RASGRP3: variants seen among roughly 807,000 people sequenced by gnomAD.
RASGRP3 encodes RAS guanyl releasing protein 3.
RASGRP3 carries 54 observed loss-of-function variants against 82.7 expected under a neutral mutation model. The ratio of observed to expected loss-of-function variants is 0.65; its 90% CI spans 0.52 to 0.82. The LOEUF is 0.82. RASGRP3 is among the 40% of genes least tolerant of loss of function. RASGRP3 has a pLI of 0.00. For missense variants in RASGRP3, 861 were observed against 828.9 expected (o/e 1.04, Z -0.48); for synonymous variants, 309 against 300.5 (o/e 1.03, Z -0.29).
At chr2:33,556,768 C>G (rs17013330) in intron 15 of RASGRP3, among the ~76,000 whole-genome samples, 3 of 151,934 alleles carry the variant, frequency 2.0e-5, no homozygotes, top group Admixed American at 6.6e-5. Context: ...ATTAGTGCTT[C>G]TCTATCACTT....
Position 33,519,094 on chromosome 2 carries a change from A to G in RASGRP3, c.174-858A>G, listed in dbSNP as rs113015240. 4.6e-3 allele frequency among the ~76,000 whole-genome samples: 700 copies of G among 152,314 alleles called. 8 individuals are homozygous for G. Among genetic ancestry groups the G allele is most frequent in the African/African-American group, 0.016 (670 of 41,566 alleles). On this transcript the variant is annotated intron_variant, in intron 4 of 17. Coordinates refer to ENST00000403687, the MANE Select transcript of RASGRP3 (RefSeq NM_001139488.2). ...TGCACACTAGACTTTTATATGACTC[A>G]CACAACAGCAGGTTTGTTTACACCA...
In RASGRP3 at chr2:33,549,666, A is replaced by T; in HGVS notation, c.1457A>T (p.His486Leu). 6.2e-7 allele frequency: 1 copy of T among 1,613,478 alleles called. No homozygotes were observed. The highest frequency in any genetic ancestry group is 2.2e-5 in the East Asian group (1 of 44,878). Residue 486 changes from histidine (H) to leucine (L), a missense_variant, in exon 14 of 18, where the codon CAC (histidine) becomes CTC (leucine). His to Leu is a moderately conservative substitution (Grantham distance 99). Coordinates refer to ENST00000403687, the MANE Select transcript of RASGRP3 (RefSeq NM_001139488.2). ...TTCCTGAGAGCTAAATCCCAACTAC[A>T]CTGTAAAATGGGACCAGGATTTATC... is the stretch of plus-strand genomic sequence containing the variant. ...AYFLRAKSQLHCKMGPGFIHN... is the reference protein window; with the variant it reads ...AYFLRAKSQLLCKMGPGFIHN...
At chr2:33,452,541 T>A (rs1403533851) in intron 2 of RASGRP3, among the ~76,000 whole-genome samples, 1 of 152,054 alleles carries the variant, frequency 6.6e-6, no homozygotes, top group Non-Finnish European at 1.5e-5. Context: ...TGGGAGTGAA[T>A]CTGGACCCTG....
At chr2:33,505,076 G>C (rs1670232111) in intron 1 of RASGRP3, among the ~76,000 whole-genome samples, 1 of 152,002 alleles carries the variant, frequency 6.6e-6, no homozygotes, top group South Asian at 2.1e-4. Flanking sequence ...TATCAACACT[G>C]TGACCAACAT....
At chr2:33,526,820 C>T (rs751354836) in intron 9 of RASGRP3, among the ~76,000 whole-genome samples, 3 of 152,156 alleles carry the variant, frequency 2.0e-5, no homozygotes, top group African/African-American at 4.8e-5. Flanking sequence ...CTTGAATTTG[C>T]GGACAGTAAT....
chr2:33,548,233 C>G (rs13012738), intron 13 of RASGRP3, among the ~76,000 whole-genome samples: 1 of 150,946 alleles, frequency 6.6e-6, no homozygotes, highest in Non-Finnish European at 1.5e-5. Context: ...CAGTGGCGGG[C>G]GCCTGTAGTC....
chr2:33,480,865 C>T (rs956674793), intron 1 of RASGRP3, among the ~76,000 whole-genome samples: 1 of 152,160 alleles, frequency 6.6e-6, no homozygotes, highest in East Asian at 1.9e-4. Context: ...ATTATAGCTT[C>T]AGAGTCTGTG....
intron 1 of RASGRP3, among the ~76,000 whole-genome samples, chr2:33,500,689 A>G (rs534624559): frequency 2.0e-5 from 3 of 152,342 alleles, no homozygotes; most frequent in East Asian, 1.9e-4. Context: ...TAATCCCAGC[A>G]CTTTGGGAGG....
chr2:33,449,770 G>C (rs114241368), intron 2 of RASGRP3, among the ~76,000 whole-genome samples: 1,656 of 152,048 alleles, frequency 0.011, 28 homozygotes, highest in African/African-American at 0.038. Flanking sequence ...AAAAAAAAAG[G>C]AATATTTATT....
intron 1 of RASGRP3, among the ~76,000 whole-genome samples, chr2:33,496,929 G>A (rs1669381282): frequency 6.6e-6 from 1 of 152,156 alleles, no homozygotes; most frequent in African/African-American, 2.4e-5. Flanking sequence ...ATGCATGAAA[G>A]CAATACGTTT....
At position 33,520,010 on chromosome 2, in the gene RASGRP3, A is replaced by T; in HGVS notation, c.232A>T (p.Met78Leu). Residue 78 changes from methionine (M) to leucine (L), a missense_variant, in exon 5 of 18, where the codon ATG becomes TTG. Coordinates refer to ENST00000403687, the MANE Select transcript of RASGRP3 (RefSeq NM_001139488.2). ...ATTTCGATTAAAGATCTGCTACTTC[A>T]TGAGGTAAATATATTTACAAATTTA... ...NEFRLKICYF[M>L]RYWILKFPAE... 6.3e-7 allele frequency: 1 copy of T among 1,599,418 alleles called. No homozygotes were observed. Among genetic ancestry groups the T allele is most frequent in the African/African-American group, 1.3e-5 (1 of 74,796 alleles).
intron 2 of RASGRP3, among the ~76,000 whole-genome samples, chr2:33,464,110 A>AATAATAATAATAATT (rs1398514920): frequency 1.4e-5 from 2 of 144,262 alleles, no homozygotes; most frequent in African/African-American, 5.2e-5. Context: ...TAATAATAAT[A>AATAATAATAATAATT]ATTATTATTA....
chr2:33,534,792 C>T lies in RASGRP3; in HGVS notation c.1161+392C>T, dbSNP rs77778660. ...ACTACTGACTTCATGATCCGCTTGC[C>T]GTGGCCATTACAGGCTTGGATTACA... On this transcript the variant is annotated intron_variant, in intron 11 of 17. Coordinates refer to ENST00000403687, the MANE Select transcript of RASGRP3 (RefSeq NM_001139488.2). Among the ~76,000 whole-genome samples, 244 of 151,160 alleles carry T rather than the reference C, an allele frequency of 1.6e-3. 1 individual carries two copies. The highest frequency in any genetic ancestry group is 5.7e-3 in the African/African-American group (233 of 41,034).
At chr2:33,456,705 A>T (rs1047181764) in intron 2 of RASGRP3, among the ~76,000 whole-genome samples, 4 of 152,194 alleles carry the variant, frequency 2.6e-5, no homozygotes, top group African/African-American at 9.6e-5. Flanking sequence ...TGAGAGAATC[A>T]CCACAATTTT....
intron 2 of RASGRP3, among the ~76,000 whole-genome samples, chr2:33,451,778 T>C (rs552312146): frequency 6.6e-6 from 1 of 152,242 alleles, no homozygotes; most frequent in South Asian, 2.1e-4. Flanking sequence ...ATTTGGGAAG[T>C]TTCTTATCAT....
intron 1 of RASGRP3, among the ~76,000 whole-genome samples, chr2:33,502,646 G>A (rs1309725972): frequency 6.6e-6 from 1 of 151,818 alleles, no homozygotes. Context: ...CCAAGTAGCT[G>A]AGACTACAGG....
chr2:33,497,973 CCCTTTCTCCAGCCCTTCTTT>C (rs879261252), intron 1 of RASGRP3, among the ~76,000 whole-genome samples: 39 of 151,982 alleles, frequency 2.6e-4, no homozygotes, highest in East Asian at 1.4e-3. Context: ...TTTTTCCCCT[CCCTTTCTCCAGCCCTTCTTT>C]CCTTTCTCCA....
intron 1 of RASGRP3, among the ~76,000 whole-genome samples, chr2:33,506,994 A>G (rs1288417233): frequency 6.6e-6 from 1 of 152,244 alleles, no homozygotes; most frequent in Non-Finnish European, 1.5e-5. Flanking sequence ...TGAAGAAAAT[A>G]AAATAGAAAG....
intron 2 of RASGRP3, among the ~76,000 whole-genome samples, chr2:33,468,005 TTTC>T (rs1423966951): frequency 1.6e-5 from 2 of 124,276 alleles, no homozygotes; most frequent in Non-Finnish European, 3.0e-5. Flanking sequence ...TCTTTCTTTC[TTTC>T]TTTCTTTCTT....
Sources: allele counts gnomAD v4.1 joint callset (sites outside exome capture counted in the v4.1 genomes callset), GRCh38; gene constraint gnomAD v4.1.1; transcripts MANE v1.5; gene names NCBI Gene and HGNC (gene_info 2026-07-23, HGNC 2026-07-21).